The following RANBP10 variants were observed in gnomAD, a reference collection of about 807,000 sequenced individuals.
RANBP10 encodes ran-binding protein 10.
Under a neutral mutation model 72.8 loss-of-function variants are expected in RANBP10, and 24 were observed. The observed-to-expected ratio is 0.33, with a 90% CI of 0.24 to 0.46. The LOEUF is 0.46. Among genes scored for constraint, RANBP10 ranks in the 20% least tolerant of loss-of-function variants. The pLI is 1.00. For synonymous variants in RANBP10, 310 were observed against 322.3 expected (o/e 0.96, Z 0.41); for missense variants, 679 against 817.5 (o/e 0.83, Z 2.07).
In RANBP10 at chr16:67,740,216, C is replaced by T. The variant is rs1245738437; in HGVS notation, c.569-2181G>A. Among the ~76,000 whole-genome samples the T allele has an allele frequency of 2.0e-5, 3 of 151,976 alleles. No homozygotes were observed. The South Asian group carries it at 6.2e-4, about 32-fold the overall frequency. On this transcript the variant is annotated intron_variant, in intron 4 of 13. Transcript: ENST00000317506. Reference sequence around the variant, plus strand: ...CTCCCGGGTTCACGCCATTCTCCCGCCTCAGCCTCCCAAGTAGCTGGGACT... The same window carrying T: ...CTCCCGGGTTCACGCCATTCTCCCGTCTCAGCCTCCCAAGTAGCTGGGACT...
rs544626860 is a variant in RANBP10 at position 67,761,775 on chromosome 16, T to C, written c.400+10259A>G. Among the ~76,000 whole-genome samples, 295 of 152,296 alleles carry C rather than the reference T, an allele frequency of 1.9e-3. 1 individual carries two copies. Among genetic ancestry groups the C allele is most frequent in the Non-Finnish European group, 3.2e-3 (217 of 68,022 alleles). ...TGGTAGAGACGGGGTTTTACCACAT[T>C]GGCCAGACTGGTCTCGAACTCCTGA... On this transcript the variant is annotated intron_variant, in intron 3 of 13. Coordinates refer to ENST00000317506, the MANE Select transcript of RANBP10 (RefSeq NM_020850.3).
intron 2 of RANBP10, among the ~76,000 whole-genome samples, chr16:67,792,285 T>C (rs2055042820): frequency 6.6e-6 from 1 of 152,008 alleles, no homozygotes; most frequent in South Asian, 2.1e-4. Flanking sequence ...CCAGGCACCG[T>C]GGCTCACGCC....
At chr16:67,745,177 C>T (rs1033186384) in intron 3 of RANBP10, among the ~76,000 whole-genome samples, 15 of 151,956 alleles carry the variant, frequency 9.9e-5, no homozygotes, top group Non-Finnish European at 1.0e-4. Context: ...GGGGTTTCAC[C>T]GTGTTAGCCA....
chr16:67,729,697 G>A lies in RANBP10; in HGVS notation c.1130C>T (p.Ser377Phe), dbSNP rs1356335574. 1 of 1,612,928 alleles carries A rather than the reference G, an allele frequency of 6.2e-7. No individual in the cohort carries two copies. Among genetic ancestry groups the A allele is most frequent in the Non-Finnish European group, 8.5e-7 (1 of 1,179,418 alleles). The change falls in exon 9 of 14, where the codon TCC (serine) becomes TTC (phenylalanine). Residue 377 changes from serine (S) to phenylalanine (F), a missense_variant. Ser to Phe is a radical substitution (Grantham distance 155). Transcript: ENST00000317506. This position sits in a 1 kb window ranked among gnomAD's most constrained non-coding sequence, Gnocchi z 7.1. Reference sequence around the variant, plus strand: ...TGGCTGACCTGTGTTGTGCATGTGGGAACTACTGGGGCCATGTCGGGGACT... The same window carrying A: ...TGGCTGACCTGTGTTGTGCATGTGGAAACTACTGGGGCCATGTCGGGGACT... Reference protein sequence around the residue: ...SLSPRHGPSSSHMHNTGADSP... With the variant: ...SLSPRHGPSSFHMHNTGADSP...
chr16:67,782,938 T>C (rs2143015654), intron 2 of RANBP10, among the ~76,000 whole-genome samples: 1 of 151,996 alleles, frequency 6.6e-6, no homozygotes, highest in East Asian at 1.9e-4. Flanking sequence ...TTTTTGGCTC[T>C]CACTCATCAG....
intron 2 of RANBP10, among the ~76,000 whole-genome samples, chr16:67,792,786 A>AC: frequency 6.6e-6 from 1 of 151,848 alleles, no homozygotes; most frequent in Non-Finnish European, 1.5e-5. Flanking sequence ...CGTCTCAAAA[A>AC]AAAAAAAAAA....
intron 5 of RANBP10, chr16:67,735,796 T>C (rs1481992230): frequency 6.7e-6 from 1 of 148,832 alleles, no homozygotes; most frequent in African/African-American, 2.5e-5. Flanking sequence ...AAAAGATAGA[T>C]ACATGGGGGG....
chr16:67,766,019 A>C lies in RANBP10; in HGVS notation c.400+6015T>G, dbSNP rs2054496715. On this transcript the variant is annotated intron_variant, in intron 3 of 13. Transcript: ENST00000317506. Reference sequence around the variant, plus strand: ...AGTAAGACCCTGTCTCAGATAAATAAATAAATAAACAAACACCAAAGTCTC... The same window carrying C: ...AGTAAGACCCTGTCTCAGATAAATACATAAATAAACAAACACCAAAGTCTC... 2.0e-5 allele frequency among the ~76,000 whole-genome samples: 3 copies of C among 152,016 alleles called. No individual in the cohort carries two copies. The South Asian group carries it at 6.2e-4, about 31-fold the overall frequency.
At chr16:67,760,535 C>T (rs1440699066) in intron 3 of RANBP10, among the ~76,000 whole-genome samples, 1 of 152,196 alleles carries the variant, frequency 6.6e-6, no homozygotes, top group Non-Finnish European at 1.5e-5. Context: ...TCAGGACCAT[C>T]CTGTGGAAGC....
At chr16:67,799,441 C>G (rs1231122706) in intron 2 of RANBP10, among the ~76,000 whole-genome samples, 1 of 151,870 alleles carries the variant, frequency 6.6e-6, no homozygotes, top group African/African-American at 2.4e-5. Flanking sequence ...GCGCCCGCCA[C>G]CATGCCTGGC....
Position 67,735,016 on chromosome 16 carries a change from C to A in RANBP10, c.618G>T (p.Leu206=). 1 of 1,610,674 alleles carries A rather than the reference C, an allele frequency of 6.2e-7. No individual in the cohort carries two copies. Among genetic ancestry groups the A allele is most frequent in the Non-Finnish European group, 8.5e-7 (1 of 1,177,948 alleles). Residue 206 remains leucine (L), a synonymous_variant, in exon 6 of 14, where the codon CTG becomes CTT. Coordinates refer to ENST00000317506, the MANE Select transcript of RANBP10 (RefSeq NM_020850.3). ...CGTCCACAATCTCCCCAGGTGTCTG[C>A]AGGCCTACGGTGGGGTAGAGGTTGG... is the stretch of plus-strand genomic sequence containing the variant. ...LPANLYPTVG[L]QTPGEIVDAN...
Position 67,725,263 on chromosome 16 carries a change from T to C in RANBP10, c.*1165A>G. 1 of 152,650 alleles carries C rather than the reference T, an allele frequency of 6.6e-6. No homozygotes were observed. Among genetic ancestry groups the C allele is most frequent in the Middle Eastern group, 3.4e-3 (1 of 296 alleles). The allele number at this position is 152,650 out of a possible 1,614,324, so 9.5% of individuals were successfully genotyped here. A position where few individuals can be genotyped will look rare whatever the true frequency, so the allele number is the denominator to read the frequency against. ...GGGACCAAGGATTCCATCCACTCCC[T>C]GGAGTAGCAGCCCAAGAACCTGCCT... On this transcript the variant is annotated 3_prime_UTR_variant, in exon 14 of 14. Transcript: ENST00000317506.
chr16:67,798,267 C>T (rs549541128), intron 2 of RANBP10, among the ~76,000 whole-genome samples: 2 of 152,078 alleles, frequency 1.3e-5, no homozygotes, highest in Admixed American at 6.6e-5. Flanking sequence ...CTTATCAGGG[C>T]GGGCAGGACA....
intron 2 of RANBP10, among the ~76,000 whole-genome samples, chr16:67,792,400 T>A (rs1208628148): frequency 1.4e-5 from 2 of 148,040 alleles, no homozygotes; most frequent in Non-Finnish European, 3.0e-5. Context: ...TAAAAAAAAA[T>A]ACAAAAAAAA....
intron 2 of RANBP10, among the ~76,000 whole-genome samples, chr16:67,791,044 C>T (rs184287074): frequency 5.6e-4 from 82 of 145,156 alleles, no homozygotes; most frequent in African/African-American, 2.0e-3. Context: ...GACAGAGTCT[C>T]GCTCTGTCGC....
chr16:67,743,593 CT>C (rs2054011123), intron 4 of RANBP10, among the ~76,000 whole-genome samples: 1 of 152,200 alleles, frequency 6.6e-6, no homozygotes, highest in Admixed American at 6.5e-5. Context: ...TGGGTTTCTT[CT>C]CCTGGTTAAC....
chr16:67,738,614 G>A (rs1292619133), intron 4 of RANBP10: 5 of 152,126 alleles, frequency 3.3e-5, no homozygotes, highest in African/African-American at 1.2e-4. Flanking sequence ...CACCACGCCA[G>A]GCCAATTTTT....
chr16:67,797,975 G>T (rs140716028), intron 2 of RANBP10, among the ~76,000 whole-genome samples: 2,696 of 133,600 alleles, frequency 0.02, 48 homozygotes, highest in Middle Eastern at 0.05. Flanking sequence ...GAGTGACAGA[G>T]AGAGACCCTC....
rs1319927212 is a variant in RANBP10, at chr16:67,725,130, A to G, written c.*1298T>C. 4.6e-5 allele frequency: 7 copies of G among 152,702 alleles called. No individual in the cohort carries two copies. The highest frequency in any genetic ancestry group is 2.6e-4 in the Admixed American group (4 of 15,290). 9.5% of individuals were successfully genotyped at this position (152,702 alleles called of 1,614,324 possible). A position where few individuals can be genotyped will look rare whatever the true frequency, so the allele number is the denominator to read the frequency against. ...CTGGTGGGACATGTGTAAAGCTGAT[A>G]GAGTCCCATTCTCTGGCCAGCAAAT... On this transcript the variant is annotated 3_prime_UTR_variant, in exon 14 of 14. Transcript: ENST00000317506.
Sources: allele counts gnomAD v4.1 joint callset (sites outside exome capture counted in the v4.1 genomes callset), GRCh38; gene constraint gnomAD v4.1.1; non-coding constraint Gnocchi (gnomAD v3.1); transcripts MANE v1.5; gene names NCBI Gene and HGNC (gene_info 2026-07-23, HGNC 2026-07-21).